TECR: variants seen among roughly 807,000 people sequenced by gnomAD.
The protein encoded by TECR is very-long-chain enoyl-CoA reductase.
Under a neutral mutation model 50.6 loss-of-function variants are expected in TECR, and 19 were observed. That is an observed-to-expected ratio of 0.38 (90% CI 0.26 to 0.55). The LOEUF is 0.55. TECR is among the 20% of genes least tolerant of loss of function. The probability of loss-of-function intolerance (pLI) is 0.79; values close to 1 mark genes in which losing one functional copy is unlikely to be tolerated. For missense variants in TECR, 313 were observed against 408.3 expected (o/e 0.77, Z 2.01); for synonymous variants, 168 against 163.5 (o/e 1.03, Z -0.21).
chr19:14,562,475 C>T (rs2073932333), intron 1 of TECR, 50 bp from the exon 2 acceptor site: 2 of 1,612,166 alleles, frequency 1.2e-6, no homozygotes. Flanking sequence ...CCCAGGCCCA[C>T]ACCCCCAAAG....
chr19:14,557,979 T>G (rs1250238944), intron 1 of TECR, among the ~76,000 whole-genome samples: 1 of 151,726 alleles, frequency 6.6e-6, no homozygotes, highest in Non-Finnish European at 1.5e-5. Flanking sequence ...ATGGTCTCGA[T>G]CTCCTGACCT....
At chr19:14,556,434 C>CAAAAAAAA (rs1491415468) in intron 1 of TECR, among the ~76,000 whole-genome samples, 1 of 128,672 alleles carries the variant, frequency 7.8e-6, no homozygotes, top group Non-Finnish European at 1.6e-5. Flanking sequence ...ACAAAAAAAA[C>CAAAAAAAA]CACATTGTGA....
intron 1 of TECR, among the ~76,000 whole-genome samples, chr19:14,539,673 C>G (rs1198037230): frequency 6.6e-6 from 1 of 152,108 alleles, no homozygotes. Context: ...CGTTCCTGCC[C>G]TAAGCACATG....
chr19:14,533,663 G>A (rs1454863280), intron 1 of TECR, among the ~76,000 whole-genome samples: 4 of 149,330 alleles, frequency 2.7e-5, no homozygotes, highest in East Asian at 4.0e-4. Flanking sequence ...AGTGGAGATC[G>A]GTGGCTGTTT....
Position 14,563,563 on chromosome 19 carries a change from C to A in TECR, c.119-95C>A. On this transcript the variant is annotated intron_variant, in intron 3 of 12. Coordinates refer to ENST00000215567, the MANE Select transcript of TECR (RefSeq NM_138501.6). The surrounding 1 kb of genome is among the most constrained non-coding windows in gnomAD (Gnocchi z 5.3). ...GCTGTGGAGTCCTGGGGTCCTTGCA[C>A]CCTGGGAACCCTGAGAAGCTGGCAC... The A allele has an allele frequency of 6.4e-7, 1 of 1,556,976 alleles. No homozygotes were observed. Among genetic ancestry groups the A allele is most frequent in the Non-Finnish European group, 8.8e-7 (1 of 1,136,634 alleles).
At chr19:14,539,219 C>T (rs1359536489) in intron 1 of TECR, among the ~76,000 whole-genome samples, 2 of 142,876 alleles carry the variant, frequency 1.4e-5, no homozygotes, top group Admixed American at 7.5e-5. Context: ...TGGTCTCGAT[C>T]TCCTGACTTC....
In TECR at chr19:14,556,420, A is replaced by G. The variant is rs537272560; in HGVS notation, c.16-6105A>G. Among the ~76,000 whole-genome samples, 5 of 151,874 alleles carry G rather than the reference A, an allele frequency of 3.3e-5. No individual in the cohort carries two copies. The South Asian group carries it at 1.0e-3, about 32-fold the overall frequency. ...AGCGAGACTCTCTCAAAAAAAAAAC[A>G]AAAACAAAAAAAACCACATTGTGAC... On this transcript the variant is annotated intron_variant, in intron 1 of 12. Transcript: ENST00000215567.
intron 12 of TECR, 32 bp downstream of exon 12, chr19:14,565,695 T>TGCCCCTCCGGGCCGGCA (rs768023680): frequency 6.2e-7 from 1 of 1,611,824 alleles, no homozygotes; most frequent in Admixed American, 1.7e-5. Flanking sequence ...GGCGGGGCCC[T>TGCCCCTCCGGGCCGGCA]GCCCCTCCGG....
intron 1 of TECR, among the ~76,000 whole-genome samples, chr19:14,555,734 C>T (rs886872446): frequency 6.6e-6 from 1 of 152,140 alleles, no homozygotes. Context: ...AGTCACCATG[C>T]GTGGACACAG....
chr19:14,537,889 G>T (rs998586568), intron 1 of TECR, among the ~76,000 whole-genome samples: 2 of 151,940 alleles, frequency 1.3e-5, no homozygotes, highest in African/African-American at 4.8e-5. Context: ...GGGATTACAG[G>T]TGCCCACCAC....
intron 8 of TECR, 24 bp downstream of exon 8, chr19:14,564,882 C>G: frequency 6.2e-7 from 1 of 1,614,036 alleles, no homozygotes; most frequent in Non-Finnish European, 8.5e-7. Flanking sequence ...GACCATCCTT[C>G]CCTCCCCCAC....
At chr19:14,542,024 C>G (rs1225426565) in intron 1 of TECR, among the ~76,000 whole-genome samples, 1 of 152,176 alleles carries the variant, frequency 6.6e-6, no homozygotes, top group Non-Finnish European at 1.5e-5. Flanking sequence ...CTCAAGTGAT[C>G]CGCCCACCTC....
chr19:14,551,334 C>T (rs2073497023), intron 1 of TECR, among the ~76,000 whole-genome samples: 1 of 152,126 alleles, frequency 6.6e-6, no homozygotes. Flanking sequence ...CTCGGCCTCC[C>T]AGAGTACTGG....
intron 1 of TECR, among the ~76,000 whole-genome samples, chr19:14,557,854 C>T (rs951966900): frequency 2.6e-5 from 4 of 152,000 alleles, no homozygotes; most frequent in East Asian, 1.9e-4. Context: ...CTCCCGGGTT[C>T]GCGCCATTCT....
At chr19:14,548,731 C>G (rs2073387563) in intron 1 of TECR, among the ~76,000 whole-genome samples, 1 of 152,134 alleles carries the variant, frequency 6.6e-6, no homozygotes, top group Admixed American at 6.5e-5. Context: ...GCACGCATCA[C>G]CACGTCTGGC....
chr19:14,563,753 G>A lies in TECR; in HGVS notation c.164-47G>A. The A allele has an allele frequency of 1.2e-6, 2 of 1,612,728 alleles. No individual in the cohort carries two copies. The highest frequency in any genetic ancestry group is 1.7e-6 in the Non-Finnish European group (2 of 1,179,806). ...GCCCCCTGGGCTCCTGGGTGGCAGT[G>A]GGAGAAGGCCCGGGTAGCCCCTGAG... On this transcript the variant is annotated intron_variant, in intron 4 of 12. Transcript: ENST00000215567. The surrounding 1 kb of genome is among the most constrained non-coding windows in gnomAD (Gnocchi z 5.3).
At chr19:14,538,527 CTT>C (rs1476269303) in intron 1 of TECR, among the ~76,000 whole-genome samples, 1 of 98,116 alleles carries the variant, frequency 1.0e-5, no homozygotes, top group East Asian at 2.1e-4. Context: ...CCTCAAAACT[CTT>C]TTTTTTCTTT....
chr19:14,565,573 C>CT, intron 11 of TECR, 45 bp from the exon 12 acceptor site: 2 of 1,589,110 alleles, frequency 1.3e-6, no homozygotes, highest in Non-Finnish European at 1.7e-6. Flanking sequence ...GCCACATACA[C>CT]GGGTTGCGAG....
chr19:14,535,010 G>T (rs1005737208), intron 1 of TECR, among the ~76,000 whole-genome samples: 3 of 152,108 alleles, frequency 2.0e-5, no homozygotes, highest in Admixed American at 2.0e-4. Flanking sequence ...AGTGTGGACT[G>T]CTGGGAGAGG....
Sources: gnomAD v4.1 joint callset for allele counts (sites outside exome capture counted in the v4.1 genomes callset) on GRCh38, gnomAD v4.1.1 for gene constraint, Gnocchi (gnomAD v3.1) non-coding constraint, MANE v1.5 for transcripts, NCBI Gene and HGNC (gene_info 2026-07-23, HGNC 2026-07-21) for gene names.